The following UBR2 variants were observed in gnomAD, a reference collection of about 807,000 sequenced individuals.
UBR2 encodes E3 ubiquitin-protein ligase UBR2.
In UBR2, 92 loss-of-function variants were observed where a neutral mutation model predicts 247.9. The ratio of observed to expected loss-of-function variants is 0.37; its 90% CI spans 0.31 to 0.44. The LOEUF (loss-of-function observed/expected upper bound fraction) is 0.44. Among genes scored for constraint, UBR2 ranks in the 20% least tolerant of loss-of-function variants. The pLI is 1.00. For synonymous variants in UBR2, 672 were observed against 693.5 expected, an observed-to-expected ratio of 0.97 and a Z score of 0.49; for missense variants, 1,613 against 2,112.6, an observed-to-expected ratio of 0.76 and a Z score of 4.64.
intron 11 of UBR2, chr6:42,620,323 C>T (rs1023080664): frequency 6.6e-6 from 1 of 152,124 alleles, no homozygotes; most frequent in Non-Finnish European, 1.5e-5. Flanking sequence ...CTTTGTGAAT[C>T]CCTGTTAAAG....
chr6:42,614,197 A>T (rs1242844917), intron 8 of UBR2, among the ~76,000 whole-genome samples: 38,322 of 82,716 alleles, frequency 0.46, 9,838 homozygotes, highest in African/African-American at 0.49. Flanking sequence ...AAAAAAAAAA[A>T]AAAAAAAACT....
chr6:42,679,902 G>A (rs1304996400), intron 42 of UBR2, 70 bp downstream of exon 42: 6 of 1,073,490 alleles, frequency 5.6e-6, no homozygotes, highest in African/African-American at 1.6e-5. Context: ...TATCACATAT[G>A]TAGCAAAATT....
chr6:42,628,977 T>C (rs867059539), intron 11 of UBR2, among the ~76,000 whole-genome samples: 25 of 152,180 alleles, frequency 1.6e-4, no homozygotes, highest in Middle Eastern at 3.4e-3. Flanking sequence ...ATGAATCATA[T>C]AAAATGAATA....
intron 31 of UBR2, 95 bp downstream of exon 31, chr6:42,662,372 A>G (rs141725701): frequency 9.1e-5 from 70 of 767,656 alleles, no homozygotes; most frequent in African/African-American, 8.2e-4. Context: ...AAAGGAAAAG[A>G]ACTAAAAATG....
intron 16 of UBR2, 47 bp from the exon 17 acceptor site, chr6:42,641,535 G>T (rs752898008): frequency 4.9e-6 from 7 of 1,417,400 alleles, no homozygotes; most frequent in Non-Finnish European, 6.8e-6. Context: ...CTGATTTTAT[G>T]TGTGTGTTTT....
chr6:42,611,608 A>G (rs1049157137), intron 7 of UBR2, among the ~76,000 whole-genome samples: 1 of 152,114 alleles, frequency 6.6e-6, no homozygotes, highest in African/African-American at 2.4e-5. Context: ...ATATAGGACT[A>G]AAGATTCAGA....
chr6:42,632,435 T>G (rs868830423), intron 11 of UBR2, 117 bp from the exon 12 acceptor site: 1 of 851,760 alleles, frequency 1.2e-6, no homozygotes, highest in African/African-American at 1.7e-5. Context: ...TTATGATATA[T>G]AGTTGTGTTG....
At chr6:42,684,616 A>C (rs1015444036) in intron 43 of UBR2, among the ~76,000 whole-genome samples, 178 bp from the exon 44 acceptor site, 14 of 151,808 alleles carry the variant, frequency 9.2e-5, no homozygotes, top group Admixed American at 5.3e-4. Flanking sequence ...CAAAAAAAAA[A>C]CTGTCTAAAA....
Position 42,689,162 on chromosome 6 carries a change from C to A in UBR2, c.5025-407C>A, listed in dbSNP as rs1468963423. On this transcript the variant is annotated intron_variant, in intron 45 of 46. Transcript: ENST00000372901. This position sits in a 1 kb window ranked among gnomAD's most constrained non-coding sequence, Gnocchi z 4.0. ...TGCACAGGTGAGAGAATCCAGGGGC[C>A]TGCTGTGTGCTGGTGACATCTCTGG... Among the ~76,000 whole-genome samples, 9 of 152,116 alleles carry A rather than the reference C, an allele frequency of 5.9e-5. No individual in the cohort carries two copies. The highest frequency in any genetic ancestry group is 5.9e-4 in the Admixed American group (9 of 15,254).
intron 2 of UBR2, among the ~76,000 whole-genome samples, chr6:42,575,864 T>C (rs375876888): frequency 1.1e-4 from 16 of 152,338 alleles, no homozygotes; most frequent in Middle Eastern, 3.4e-3. Flanking sequence ...AGTATCCTCT[T>C]CATTATCAAA....
In UBR2 at chr6:42,575,713, G is replaced by A. The variant is rs76650144; in HGVS notation, c.338+1720G>A. 4.7e-3 allele frequency among the ~76,000 whole-genome samples: 713 copies of A among 152,262 alleles called. 7 individuals are homozygous for A. Among genetic ancestry groups the A allele is most frequent in the African/African-American group, 0.015 (622 of 41,558 alleles). On this transcript the variant is annotated intron_variant, in intron 2 of 46. Coordinates refer to ENST00000372901, the MANE Select transcript of UBR2 (RefSeq NM_001363705.2). Reference sequence around the variant, plus strand: ...GTGTTTTAACCCTGTCAGGTGGTATGTATGATTTTGATTAGTTCTACAACT... The same window carrying A: ...GTGTTTTAACCCTGTCAGGTGGTATATATGATTTTGATTAGTTCTACAACT...
rs1799784944 is a variant in UBR2 at position 42,692,204 on chromosome 6, A to G, written c.*1031A>G. On this transcript the variant is annotated 3_prime_UTR_variant, in exon 47 of 47. Coordinates refer to ENST00000372901, the MANE Select transcript of UBR2 (RefSeq NM_001363705.2). ...ATACCCTAATGTTTCAGACAGTGAT[A>G]TTCTCTTGTTATTTCTAAGGCTAAA... The G allele has an allele frequency of 6.6e-6, 1 of 152,118 alleles. No homozygotes were observed. Among genetic ancestry groups the G allele is most frequent in the Non-Finnish European group, 1.5e-5 (1 of 68,014 alleles). The allele number at this position is 152,118 out of a possible 1,614,324, so 9.4% of individuals were successfully genotyped here. A position where few individuals can be genotyped will look rare whatever the true frequency, so the allele number is the denominator to read the frequency against.
intron 8 of UBR2, 101 bp downstream of exon 8, chr6:42,612,392 C>G: frequency 8.0e-7 from 1 of 1,246,626 alleles, no homozygotes; most frequent in Non-Finnish European, 1.1e-6. Context: ...TAATTTCCTG[C>G]TTTAATTTTA....
intron 9 of UBR2, among the ~76,000 whole-genome samples, chr6:42,615,654 G>A (rs1562313667): frequency 6.6e-6 from 1 of 151,948 alleles, no homozygotes; most frequent in Non-Finnish European, 1.5e-5. Context: ...GCCAGTCTCA[G>A]TGGTGTGTGC....
rs565718750 is a variant in UBR2 at position 42,630,417 on chromosome 6, C to T, written c.1282-2135C>T. The stretch of plus-strand genomic sequence containing the variant: ...GCCAAGCTAGTCTCGAACTCCTGAC[C>T]TTAGGTGATCCACCCACCTCGGCCT... On this transcript the variant is annotated intron_variant, in intron 11 of 46. Transcript: ENST00000372901. Among the ~76,000 whole-genome samples, 139 of 151,908 alleles carry T rather than the reference C, an allele frequency of 9.2e-4. 1 individual carries two copies. The South Asian group carries it at 0.016, about 17-fold the overall frequency.
intron 11 of UBR2, among the ~76,000 whole-genome samples, chr6:42,619,240 CA>C (rs143425415): frequency 0.014 from 2,050 of 150,948 alleles, 49 homozygotes; most frequent in African/African-American, 0.047. Flanking sequence ...TGTCAGTTAC[CA>C]AAAACCACAT....
intron 11 of UBR2, among the ~76,000 whole-genome samples, chr6:42,622,405 G>GTTTTT (rs112798050): frequency 7.2e-6 from 1 of 138,794 alleles, no homozygotes. Context: ...TTTTTGGTGG[G>GTTTTT]TTTTTTTTTT....
intron 34 of UBR2, among the ~76,000 whole-genome samples, chr6:42,668,854 T>G (rs1159773709): frequency 1.3e-5 from 2 of 152,138 alleles, no homozygotes; most frequent in Non-Finnish European, 2.9e-5. Context: ...GGATTACAAG[T>G]GTGAGCCACC....
chr6:42,570,965 A>G (rs1452008419), intron 1 of UBR2, among the ~76,000 whole-genome samples: 3 of 151,276 alleles, frequency 2.0e-5, no homozygotes, highest in South Asian at 4.2e-4. Context: ...GATTACAGGC[A>G]TGAGCCAAAG....
Sources: allele counts gnomAD v4.1 joint callset (sites outside exome capture counted in the v4.1 genomes callset), GRCh38; gene constraint gnomAD v4.1.1; non-coding constraint Gnocchi (gnomAD v3.1); transcripts MANE v1.5; gene names NCBI Gene and HGNC (gene_info 2026-07-23, HGNC 2026-07-21).